Variants in PLXDC2 observed in about 807,000 individuals in gnomAD.
The protein encoded by PLXDC2 is plexin domain containing 2.
In PLXDC2, 40 loss-of-function variants were observed where a neutral mutation model predicts 68.9. The ratio of observed to expected loss-of-function variants is 0.58; its 90% CI spans 0.45 to 0.76. The LOEUF (loss-of-function observed/expected upper bound fraction) is 0.76, where lower values mean the gene tolerates loss of function less well. PLXDC2 is among the 30% of genes least tolerant of loss of function. PLXDC2 has a pLI of 0.00. For missense variants in PLXDC2, 644 were observed against 661.9 expected, an observed-to-expected ratio of 0.97 and a Z score of 0.30; for synonymous variants, 243 against 234.2, an observed-to-expected ratio of 1.04 and a Z score of -0.34.
At chr10:20,067,871 A>G (rs111266502) in intron 3 of PLXDC2, among the ~76,000 whole-genome samples, 148 of 152,300 alleles carry the variant, frequency 9.7e-4, no homozygotes, top group African/African-American at 3.3e-3. Flanking sequence ...TTTTGGAGGA[A>G]CTAGTCAAAC....
intron 5 of PLXDC2, among the ~76,000 whole-genome samples, chr10:20,146,459 CTTCCTTCCTTTCTTTCTTTTCTTTTCTTT>C (rs1291859737): frequency 1.4e-5 from 2 of 141,886 alleles, no homozygotes; most frequent in African/African-American, 2.6e-5. Context: ...TTCTTCCTTC[CTTCCTTCCTTTCTTTCTTTTCTTTTCTTT>C]TTCCTTCCTT....
At chr10:20,168,772 A>G (rs1589663002) in intron 7 of PLXDC2, among the ~76,000 whole-genome samples, 1 of 152,210 alleles carries the variant, frequency 6.6e-6, no homozygotes, top group South Asian at 2.1e-4. Context: ...GATTAGAAGC[A>G]TAGCACATTA....
At chr10:20,100,600 C>T (rs896763530) in intron 4 of PLXDC2, among the ~76,000 whole-genome samples, 1 of 152,114 alleles carries the variant, frequency 6.6e-6, no homozygotes, top group Non-Finnish European at 1.5e-5. Flanking sequence ...TGCCCTTCTC[C>T]TCTCTCCCTG....
chr10:20,084,893 A>T (rs966090824), intron 4 of PLXDC2, among the ~76,000 whole-genome samples: 7 of 151,996 alleles, frequency 4.6e-5, no homozygotes, highest in African/African-American at 7.2e-5. Flanking sequence ...AAAAAAAAAA[A>T]AATAACATGA....
At chr10:20,107,979 C>T (rs909862976) in intron 4 of PLXDC2, among the ~76,000 whole-genome samples, 1 of 152,062 alleles carries the variant, frequency 6.6e-6, no homozygotes, top group Admixed American at 6.6e-5. Flanking sequence ...GTAAATGATT[C>T]AGATACAAAT....
chr10:19,832,291 T>C (rs754107119), intron 1 of PLXDC2, among the ~76,000 whole-genome samples: 9 of 152,222 alleles, frequency 5.9e-5, no homozygotes, highest in Non-Finnish European at 1.2e-4. Context: ...AGGTCTATCT[T>C]GCATCTAATA....
At chr10:20,231,140 T>C (rs928546752) in intron 12 of PLXDC2, among the ~76,000 whole-genome samples, 1 of 151,598 alleles carries the variant, frequency 6.6e-6, no homozygotes, top group Non-Finnish European at 1.5e-5. Context: ...GCTGTAAATA[T>C]ATACAATTTT....
chr10:20,035,409 A>G (rs1433789857), intron 2 of PLXDC2, among the ~76,000 whole-genome samples: 1 of 152,178 alleles, frequency 6.6e-6, no homozygotes, highest in Non-Finnish European at 1.5e-5. Flanking sequence ...GATTAAAAGT[A>G]TATTAGGCAA....
intron 6 of PLXDC2, among the ~76,000 whole-genome samples, chr10:20,163,215 G>A (rs562858017): frequency 5.9e-5 from 9 of 152,158 alleles, no homozygotes; most frequent in African/African-American, 1.7e-4. Context: ...CTTTAACGTT[G>A]TTTAAGAGAG....
intron 1 of PLXDC2, among the ~76,000 whole-genome samples, chr10:19,856,779 T>A (rs1263249093): frequency 2.6e-5 from 4 of 152,200 alleles, no homozygotes; most frequent in African/African-American, 9.6e-5. Flanking sequence ...TCTGAAGACT[T>A]TTTATTTATT....
At chr10:19,860,460 A>G (rs1837298481) in intron 1 of PLXDC2, among the ~76,000 whole-genome samples, 1 of 152,204 alleles carries the variant, frequency 6.6e-6, no homozygotes, top group Admixed American at 6.5e-5. Context: ...ACACTGAACT[A>G]GACATCACAA....
chr10:20,207,071 T>G (rs1835003652), intron 9 of PLXDC2, among the ~76,000 whole-genome samples: 1 of 152,162 alleles, frequency 6.6e-6, no homozygotes, highest in Admixed American at 6.6e-5. Context: ...AATGCTAAAA[T>G]GGCTGGATCC....
At chr10:20,266,760 C>A (rs1835877411) in intron 13 of PLXDC2, among the ~76,000 whole-genome samples, 1 of 152,144 alleles carries the variant, frequency 6.6e-6, no homozygotes, top group African/African-American at 2.4e-5. Context: ...TTGAAAATAT[C>A]ATCTTATTCT....
chr10:20,030,086 A>T (rs569232439), intron 2 of PLXDC2, among the ~76,000 whole-genome samples: 51 of 152,342 alleles, frequency 3.3e-4, no homozygotes, highest in African/African-American at 1.2e-3. Context: ...ATGCTACTTA[A>T]GAGTATTATG....
intron 1 of PLXDC2, among the ~76,000 whole-genome samples, chr10:19,840,599 T>G (rs1039093759): frequency 6.6e-6 from 1 of 152,158 alleles, no homozygotes; most frequent in Non-Finnish European, 1.5e-5. Flanking sequence ...AAACACATTT[T>G]GTTTAAAAAT....
At chr10:19,940,820 T>G (rs6482071) in intron 1 of PLXDC2, among the ~76,000 whole-genome samples, 1 of 152,070 alleles carries the variant, frequency 6.6e-6, no homozygotes, top group African/African-American at 2.4e-5. Context: ...CTAATTGTAC[T>G]TGTAAATGTT....
chr10:20,201,824 G>C (rs913166713), intron 9 of PLXDC2, among the ~76,000 whole-genome samples: 1 of 152,008 alleles, frequency 6.6e-6, no homozygotes, highest in Non-Finnish European at 1.5e-5. Flanking sequence ...CTATCAACTT[G>C]GAAAAGCAAG....
Position 19,821,453 on chromosome 10 carries a change from G to A in PLXDC2, c.112+4262G>A, listed in dbSNP as rs541864900. On this transcript the variant is annotated intron_variant, in intron 1 of 13. Coordinates refer to ENST00000377252, the MANE Select transcript of PLXDC2 (RefSeq NM_032812.9). ...ATGCCTTCTTCAAAGGCACTTGCTT[G>A]ATATTGTAGGGTTTCCTTTTCTTTC... is the stretch of plus-strand genomic sequence containing the variant. Among the ~76,000 whole-genome samples the A allele has an allele frequency of 7.2e-5, 11 of 152,310 alleles. No homozygotes were observed. The East Asian group carries it at 1.9e-3, about 27-fold the overall frequency.
At position 19,892,346 on chromosome 10, in the gene PLXDC2, T is replaced by C. The variant is rs915792424; in HGVS notation, c.112+75155T>C. 9.9e-5 allele frequency among the ~76,000 whole-genome samples: 15 copies of C among 152,116 alleles called. 1 individual carries two copies. The highest frequency in any genetic ancestry group is 3.9e-4 in the Admixed American group (6 of 15,268). On this transcript the variant is annotated intron_variant, in intron 1 of 13. Coordinates refer to ENST00000377252, the MANE Select transcript of PLXDC2 (RefSeq NM_032812.9). The stretch of plus-strand genomic sequence containing the variant: ...CCAAAGTCATTCAGCTAGTAAGAAG[T>C]TGACTTGGGATTCAAACCCAAGCAG...
Sources: allele counts gnomAD v4.1 joint callset (sites outside exome capture counted in the v4.1 genomes callset), GRCh38; gene constraint gnomAD v4.1.1; transcripts MANE v1.5; gene names NCBI Gene and HGNC (gene_info 2026-07-23, HGNC 2026-07-21).